ZBTB16: variants seen among roughly 807,000 people sequenced by gnomAD.
ZBTB16 encodes the protein zinc finger and BTB domain-containing protein 16.
ZBTB16 carries 8 observed loss-of-function variants against 56.8 expected under a neutral mutation model. The observed-to-expected ratio is 0.14, with a 90% CI of 0.08 to 0.25. The LOEUF is 0.25. Among genes scored for constraint, ZBTB16 ranks in the 10% least tolerant of loss-of-function variants. The pLI is 1.00. For synonymous variants in ZBTB16, 363 were observed against 368.5 expected, an observed-to-expected ratio of 0.98 and a Z score of 0.17; for missense variants, 625 against 903.0, an observed-to-expected ratio of 0.69 and a Z score of 3.95.
intron 4 of ZBTB16, among the ~76,000 whole-genome samples, chr11:114,221,552 C>T (rs963385119): frequency 6.6e-6 from 1 of 152,164 alleles, no homozygotes; most frequent in African/African-American, 2.4e-5. Flanking sequence ...CACATTCATT[C>T]CCCTTCTCCA....
intron 4 of ZBTB16, among the ~76,000 whole-genome samples, chr11:114,235,633 T>TTTCTTTCTTTCCCTCTCCCTTC (rs1565701482): frequency 2.7e-5 from 1 of 37,124 alleles, no homozygotes; most frequent in African/African-American, 9.6e-5. Context: ...TCCCTTCCTT[T>TTTCTTTCTTTCCCTCTCCCTTC]CTTTCTTTCT....
chr11:114,127,958 A>T (rs1026252199), intron 2 of ZBTB16, among the ~76,000 whole-genome samples: 1 of 152,120 alleles, frequency 6.6e-6, no homozygotes, highest in African/African-American at 2.4e-5. Flanking sequence ...GAGTCTTGGC[A>T]CTGAGAGGAA....
At chr11:114,156,047 T>C (rs898581509) in intron 2 of ZBTB16, among the ~76,000 whole-genome samples, 5 of 152,206 alleles carry the variant, frequency 3.3e-5, no homozygotes, top group African/African-American at 1.2e-4. Context: ...TCCTGGGTGT[T>C]GCATCCTTCC....
intron 2 of ZBTB16, among the ~76,000 whole-genome samples, chr11:114,135,186 G>A (rs1471862335): frequency 6.6e-6 from 1 of 152,222 alleles, no homozygotes; most frequent in East Asian, 1.9e-4. Context: ...GGGGTATTAG[G>A]AAGGTGACTT....
chr11:114,113,888 T>C (rs1408067532), intron 2 of ZBTB16, among the ~76,000 whole-genome samples: 1 of 152,246 alleles, frequency 6.6e-6, no homozygotes, highest in African/African-American at 2.4e-5. Flanking sequence ...TTTATATTCA[T>C]TTATTCAATT....
intron 4 of ZBTB16, among the ~76,000 whole-genome samples, chr11:114,225,868 A>T (rs1944318967): frequency 1.3e-5 from 2 of 152,236 alleles, no homozygotes; most frequent in Admixed American, 1.3e-4. Context: ...ACTGTGATAG[A>T]CATTGTTCAT....
At chr11:114,224,505 G>A (rs2135157718) in intron 4 of ZBTB16, among the ~76,000 whole-genome samples, 1 of 152,332 alleles carries the variant, frequency 6.6e-6, no homozygotes, top group Non-Finnish European at 1.5e-5. Flanking sequence ...GGAGGCATGT[G>A]GGTATACAGA....
chr11:114,076,569 A>T (rs1000245684), intron 2 of ZBTB16, among the ~76,000 whole-genome samples: 3 of 152,202 alleles, frequency 2.0e-5, no homozygotes, highest in Non-Finnish European at 4.4e-5. Flanking sequence ...CCCCTAAATG[A>T]TCTGCTAAAT....
rs186221289 is a variant in ZBTB16, at chr11:114,150,360, C to T, written c.1269-5977C>T. ...GAAAGTACAGGAGAGCTAGTCTGGGCGTGGTGGCTCATGCCTGTAATTTCA... is the reference window on the plus strand; with the variant it reads ...GAAAGTACAGGAGAGCTAGTCTGGGTGTGGTGGCTCATGCCTGTAATTTCA... On this transcript the variant is annotated intron_variant, in intron 2 of 6. Transcript: ENST00000335953. Among the ~76,000 whole-genome samples, 7 of 152,278 alleles carry T rather than the reference C, an allele frequency of 4.6e-5. No individual in the cohort carries two copies. The East Asian group carries it at 1.4e-3, about 29-fold the overall frequency.
chr11:114,242,156 G>A lies in ZBTB16; in HGVS notation c.1454-11G>A, dbSNP rs1481401817. 6.2e-7 allele frequency: 1 copy of A among 1,613,552 alleles called. No homozygotes were observed. Among genetic ancestry groups the A allele is most frequent in the South Asian group, 1.1e-5 (1 of 91,076 alleles). ...ACCTTTCTGAGGCACCCCCTCTCCT[G>A]TCTCCCACAGGCACTGACATGGCCG... is the stretch of plus-strand genomic sequence containing the variant. On this transcript the variant is annotated splice_polypyrimidine_tract_variant and intron_variant, in intron 4 of 6. Transcript: ENST00000335953.
intron 2 of ZBTB16, among the ~76,000 whole-genome samples, chr11:114,111,771 G>T (rs1414582800): frequency 1.3e-5 from 2 of 152,304 alleles, no homozygotes; most frequent in Non-Finnish European, 2.9e-5. Context: ...GGTGCTATTG[G>T]TTTGTTGTGG....
chr11:114,242,675 G>T (rs1354267850), intron 5 of ZBTB16, among the ~76,000 whole-genome samples: 4 of 152,200 alleles, frequency 2.6e-5, no homozygotes, highest in African/African-American at 4.8e-5. Context: ...GGATTCTCAT[G>T]TAGGTAGACC....
At chr11:114,124,893 G>A (rs1336508422) in intron 2 of ZBTB16, among the ~76,000 whole-genome samples, 1 of 152,218 alleles carries the variant, frequency 6.6e-6, no homozygotes, top group Admixed American at 6.5e-5. Context: ...AAGAAGAGAA[G>A]CAGTCTCTTG....
chr11:114,210,889 G>A (rs1943985895), intron 4 of ZBTB16: 1 of 202,486 alleles, frequency 4.9e-6, no homozygotes. Flanking sequence ...CTGTCTTGGA[G>A]ATTTAACTAT....
In ZBTB16 at chr11:114,156,479, TCTC is replaced by T. The variant is rs750371545; in HGVS notation, c.1366+48_1366+50del. The T allele has an allele frequency of 3.9e-5, 62 of 1,576,186 alleles. No homozygotes were observed. The African/African-American group carries it at 6.7e-4, about 17-fold the overall frequency. On this transcript the variant is annotated intron_variant, in intron 3 of 6. Coordinates refer to ENST00000335953, the MANE Select transcript of ZBTB16 (RefSeq NM_006006.6). ...TGGCCCGTTCAGATACAGGCAACCA[TCTC>T]CTGCTTGCCTTTACCCCTCCTCAGA... is the stretch of plus-strand genomic sequence containing the variant.
intron 6 of ZBTB16, among the ~76,000 whole-genome samples, chr11:114,249,502 A>G (rs1944878205): frequency 7.4e-6 from 1 of 134,554 alleles, no homozygotes; most frequent in Non-Finnish European, 1.5e-5. Context: ...GCGGTGGCTC[A>G]CGCCTGTAAT....
chr11:114,210,124 C>T (rs1297264476), intron 4 of ZBTB16, among the ~76,000 whole-genome samples: 3 of 151,248 alleles, frequency 2.0e-5, no homozygotes, highest in African/African-American at 7.3e-5. Flanking sequence ...TGCAAATGTG[C>T]GGGTTGATCA....
At chr11:114,110,087 G>A (rs1280028617) in intron 2 of ZBTB16, among the ~76,000 whole-genome samples, 4 of 152,018 alleles carry the variant, frequency 2.6e-5, no homozygotes, top group Admixed American at 6.6e-5. Context: ...TGAAGAATGT[G>A]GGGGACTTAG....
chr11:114,110,950 T>G (rs1591675884), intron 2 of ZBTB16, among the ~76,000 whole-genome samples: 1 of 152,248 alleles, frequency 6.6e-6, no homozygotes, highest in South Asian at 2.1e-4. Context: ...TTATTTGCTT[T>G]CATTAACAGT....
Sources: allele counts gnomAD v4.1 joint callset (sites outside exome capture counted in the v4.1 genomes callset), GRCh38; gene constraint gnomAD v4.1.1; transcripts MANE v1.5; gene names NCBI Gene and HGNC (gene_info 2026-07-23, HGNC 2026-07-21).